The following AATK variants were observed in gnomAD, a reference collection of about 807,000 sequenced individuals.
AATK encodes serine/threonine-protein kinase LMTK1.
AATK carries 91 observed loss-of-function variants against 114.3 expected under a neutral mutation model. That is an observed-to-expected ratio of 0.80 (90% CI 0.67 to 0.95). The LOEUF is 0.95. Ranked by LOEUF, AATK falls within the 40% of genes least tolerant of loss-of-function variation. AATK has a pLI of 0.00. For synonymous variants in AATK, 1,075 were observed against 916.5 expected (o/e 1.17, Z -3.12); for missense variants, 2,176 against 1,965.2 (o/e 1.11, Z -2.03).
rs79805461 is a variant in AATK, at chr17:81,141,961, C to CT, written c.56-7461dup. Among the ~76,000 whole-genome samples, 409 of 84,382 alleles carry CT rather than the reference C, an allele frequency of 4.8e-3. 1 individual carries two copies. The highest frequency in any genetic ancestry group is 0.014 in the Middle Eastern group (2 of 142). 55.4% of individuals were successfully genotyped at this position (84,382 alleles called of 152,430 possible). ...CTTCCTTCCTTCCTTCCTTTCCTTC[C>CT]TTCCTTCCTTCCTTGATAGAGTCTC... On this transcript the variant is annotated intron_variant, in intron 1 of 13. Coordinates refer to ENST00000326724, the MANE Select transcript of AATK (RefSeq NM_001080395.3).
intron 1 of AATK, among the ~76,000 whole-genome samples, chr17:81,156,664 TG>T (rs1182153346): frequency 6.6e-6 from 1 of 152,266 alleles, no homozygotes; most frequent in Non-Finnish European, 1.5e-5. Flanking sequence ...CCCAAAGTGC[TG>T]GGATTACAGG....
intron 1 of AATK, among the ~76,000 whole-genome samples, chr17:81,159,398 G>A (rs962028014): frequency 1.3e-5 from 2 of 152,172 alleles, no homozygotes; most frequent in African/African-American, 2.4e-5. Flanking sequence ...CTCGGGGGCT[G>A]GGCGTGCTGC....
chr17:81,129,868 G>C (rs576744479), intron 3 of AATK, among the ~76,000 whole-genome samples: 32 of 152,198 alleles, frequency 2.1e-4, no homozygotes, highest in African/African-American at 7.7e-4. Context: ...CTCCGCGCCC[G>C]CCCACAGATG....
chr17:81,119,257 G>T, intron 13 of AATK, 123 bp downstream of exon 13: 27 of 1,023,582 alleles, frequency 2.6e-5, no homozygotes, highest in Admixed American at 3.7e-5. Flanking sequence ...GGGCCGGGAA[G>T]GAGCGGAGCG....
intron 1 of AATK, among the ~76,000 whole-genome samples, chr17:81,141,038 C>T (rs1008744291): frequency 3.7e-5 from 5 of 135,664 alleles, no homozygotes; most frequent in African/African-American, 1.3e-4. Flanking sequence ...CCGTGGGGAC[C>T]ATGGGGACCG....
chr17:81,154,523 T>G (rs1291927170), intron 1 of AATK, among the ~76,000 whole-genome samples: 1 of 146,728 alleles, frequency 6.8e-6, no homozygotes, highest in South Asian at 2.2e-4. Flanking sequence ...TTCACCATAT[T>G]GGCCAGGGTG....
chr17:81,126,898 G>A lies in AATK; in HGVS notation c.622-338C>T, dbSNP rs1354956922. ...GCTGGTGGTCGAGGGTTGGCCGGCA[G>A]CCCCTGACCTGCCGAAAGCCCAGCC... On this transcript the variant is annotated intron_variant, in intron 6 of 13. Transcript: ENST00000326724. The surrounding 1 kb of genome is among the most constrained non-coding windows in gnomAD (Gnocchi z 5.1). 13 of 1,115,742 alleles carry A rather than the reference G, an allele frequency of 1.2e-5. No individual in the cohort carries two copies. The East Asian group carries it at 6.2e-4, about 53-fold the overall frequency. 69.1% of individuals were successfully genotyped at this position (1,115,742 alleles called of 1,614,324 possible).
In AATK at chr17:81,121,900, C is replaced by A. The variant is rs773773077; in HGVS notation, c.2036G>T (p.Arg679Leu). The change falls in exon 11 of 14, where the codon CGC becomes CTC. Residue 679 changes from arginine to leucine, a missense_variant. By Grantham distance (102) the Arg-to-Leu change is moderately radical. Around this residue, in one of 4 missense-constraint regions of AATK, gnomAD observed 1,701 missense variants for 1,394.7 expected, o/e 1.22. Transcript: ENST00000326724. ...ARRAAQRGHW[R>L]SNVSANNNSG... ...GTTGTTGTTGGCTGACACGTTGGAG[C>A]GCCAGTGCCCGCGCTGGGCGGCCCT... The A allele has an allele frequency of 3.1e-6, 5 of 1,600,434 alleles. No individual in the cohort carries two copies. Among genetic ancestry groups the A allele is most frequent in the Non-Finnish European group, 4.2e-6 (5 of 1,179,058 alleles).
At position 81,131,924 on chromosome 17, in the gene AATK, C is replaced by G. The variant is rs774261180; in HGVS notation, c.190-719G>C. 3.1e-5 allele frequency: 42 copies of G among 1,343,728 alleles called. No individual in the cohort carries two copies. The South Asian group carries it at 4.6e-4, about 15-fold the overall frequency. 83.2% of individuals were successfully genotyped at this position (1,343,728 alleles called of 1,614,324 possible). A position where few individuals can be genotyped will look rare whatever the true frequency, so the allele number is the denominator to read the frequency against. ...CACCTGCCACCGCCATCTGCCCCAG[C>G]AGCCTTGGACCTTCACCTGGTGGCC... On this transcript the variant is annotated intron_variant, in intron 2 of 13. Transcript: ENST00000326724.
intron 1 of AATK, among the ~76,000 whole-genome samples, chr17:81,163,169 G>T (rs771896138): frequency 6.6e-6 from 1 of 152,172 alleles, no homozygotes; most frequent in Non-Finnish European, 1.5e-5. Flanking sequence ...CCAGAAGCCG[G>T]AGCGAGGCGG....
chr17:81,127,585 G>C lies in AATK; in HGVS notation c.619C>G (p.Leu207Val). Residue 207 changes from leucine (L) to valine (V), a missense_variant and splice_region_variant, in exon 6 of 14, where the codon CTG becomes GTG. Coordinates refer to ENST00000326724, the MANE Select transcript of AATK (RefSeq NM_001080395.3). ...CATCCCCCCGGGCAGCAGCTCACCA[G>C]TGGGCAGAACTCCATCACCAGCAGG... is the stretch of plus-strand genomic sequence containing the variant. The part of the protein sequence containing the change: ...PYLLVMEFCP[L>V]GDLKGYLRSC... The C allele has an allele frequency of 2.5e-6, 4 of 1,596,750 alleles. No homozygotes were observed. Among genetic ancestry groups the C allele is most frequent in the African/African-American group, 1.3e-5 (1 of 74,630 alleles).
chr17:81,151,788 T>C (rs2061302411), intron 1 of AATK, among the ~76,000 whole-genome samples: 1 of 152,218 alleles, frequency 6.6e-6, no homozygotes, highest in Non-Finnish European at 1.5e-5. Context: ...AGGTTGTCTT[T>C]ATTTGGAAAT....
chr17:81,135,591 A>G (rs564349277), intron 1 of AATK, among the ~76,000 whole-genome samples: 2 of 152,266 alleles, frequency 1.3e-5, no homozygotes, highest in South Asian at 2.1e-4. Context: ...ACCCCACTGG[A>G]CGAGCCAAGA....
chr17:81,127,673 G>T lies in AATK; in HGVS notation c.534-3C>A. On this transcript the variant is annotated splice_polypyrimidine_tract_variant and splice_region_variant and intron_variant, in intron 5 of 13. Transcript: ENST00000326724. The stretch of plus-strand genomic sequence containing the variant: ...GCAGGTTGCTGTGCTTCAGGGCCCT[G>T]CGGGAGTGGACAGGCGGCCCCTGAC... 6.3e-7 allele frequency: 1 copy of T among 1,581,486 alleles called. No homozygotes were observed. Among genetic ancestry groups the T allele is most frequent in the Non-Finnish European group, 8.6e-7 (1 of 1,164,304 alleles).
chr17:81,132,088 G>A (rs974975436), intron 2 of AATK: 1 of 1,190,154 alleles, frequency 8.4e-7, no homozygotes, highest in African/African-American at 1.6e-5. Flanking sequence ...CAAGTCCAGG[G>A]CACATTCCTG....
In AATK at chr17:81,122,569, T is replaced by C; in HGVS notation, c.1367A>G (p.Asp456Gly). The C allele has an allele frequency of 6.8e-7, 1 of 1,468,500 alleles. No homozygotes were observed. Among genetic ancestry groups the C allele is most frequent in the Non-Finnish European group, 9.1e-7 (1 of 1,104,392 alleles). 91.0% of individuals were successfully genotyped at this position (1,468,500 alleles called of 1,614,324 possible). ...GTCGTCGCCGTCCGCGTGGAAGCCG[T>C]CGCCCGCGAACTGCTCCAGCAGCGG... is the stretch of plus-strand genomic sequence containing the variant. Reference protein sequence around the residue: ...SFPLLEQFAGDGFHADGDDVL... With the variant: ...SFPLLEQFAGGGFHADGDDVL... Residue 456 changes from aspartate (D) to glycine (G), a missense_variant, in exon 11 of 14, where the codon GAC becomes GGC. Transcript: ENST00000326724.
At chr17:81,133,015 C>T (rs1370747999) in intron 2 of AATK, among the ~76,000 whole-genome samples, 5 of 152,216 alleles carry the variant, frequency 3.3e-5, no homozygotes, top group Non-Finnish European at 7.4e-5. Flanking sequence ...CCGCCAAGAC[C>T]TTGAGGCTCT....
intron 1 of AATK, among the ~76,000 whole-genome samples, chr17:81,136,775 G>C (rs2061016714): frequency 6.6e-6 from 1 of 152,172 alleles, no homozygotes; most frequent in African/African-American, 2.4e-5. Context: ...AGGGGTGGGG[G>C]ACTGTCCACA....
In AATK at chr17:81,117,414, A is replaced by ACATCT. The variant is rs1489716782; in HGVS notation, c.*983_*987dup. 1 of 152,450 alleles carries ACATCT rather than the reference A, an allele frequency of 6.6e-6. No homozygotes were observed. The highest frequency in any genetic ancestry group is 2.4e-5 in the African/African-American group (1 of 41,586). 9.4% of individuals were successfully genotyped at this position (152,450 alleles called of 1,614,324 possible). On this transcript the variant is annotated 3_prime_UTR_variant, in exon 14 of 14. Transcript: ENST00000326724. ...CCCCTGCGAAGCAACAATAAACTTT[A>ACATCT]CATCTCTTTGGCAACAATAACTTAA...
Sources: gnomAD v4.1 joint callset for allele counts (sites outside exome capture counted in the v4.1 genomes callset) on GRCh38, gnomAD v4.1.1 for gene constraint, gnomAD v4.1.1 regional missense constraint, Gnocchi (gnomAD v3.1) non-coding constraint, MANE v1.5 for transcripts, NCBI Gene and HGNC (gene_info 2026-07-23, HGNC 2026-07-21) for gene names.